The following SPON1 variants were observed in gnomAD, a reference collection of about 807,000 sequenced individuals.
SPON1 encodes the protein spondin 1.
In SPON1, 52 loss-of-function variants were observed where a neutral mutation model predicts 111.7. The observed-to-expected ratio is 0.47, with a 90% CI of 0.37 to 0.59. SPON1 has a LOEUF of 0.59. Ranked by LOEUF, SPON1 falls within the 20% of genes least tolerant of loss-of-function variation. The pLI is 0.00. For synonymous variants in SPON1, 410 were observed against 395.8 expected, an observed-to-expected ratio of 1.04 and a Z score of -0.43; for missense variants, 957 against 1,068.5, an observed-to-expected ratio of 0.90 and a Z score of 1.46.
chr11:14,086,926 A>T (rs1849011352), intron 5 of SPON1, among the ~76,000 whole-genome samples: 1 of 152,094 alleles, frequency 6.6e-6, no homozygotes, highest in East Asian at 1.9e-4. Context: ...TTTCTAGTTT[A>T]TTTGTGTAGA....
At chr11:14,187,273 C>G (rs1397239637) in intron 6 of SPON1, among the ~76,000 whole-genome samples, 3 of 152,142 alleles carry the variant, frequency 2.0e-5, no homozygotes, top group Non-Finnish European at 4.4e-5. Flanking sequence ...TCCCACCAGA[C>G]CCAACTCCAA....
intron 3 of SPON1, among the ~76,000 whole-genome samples, chr11:14,065,400 TC>T (rs1176481849): frequency 1.3e-5 from 2 of 152,148 alleles, no homozygotes; most frequent in African/African-American, 4.8e-5. Flanking sequence ...CATTTCCTCT[TC>T]CTTAGAGGCT....
chr11:14,261,911 G>A (rs993891088), intron 14 of SPON1, among the ~76,000 whole-genome samples: 2 of 152,116 alleles, frequency 1.3e-5, no homozygotes, highest in African/African-American at 4.8e-5. Context: ...CCACAGGCGG[G>A]ATAAAAGAAC....
intron 6 of SPON1, among the ~76,000 whole-genome samples, chr11:14,145,521 A>G (rs549526290): frequency 1.3e-5 from 2 of 152,354 alleles, no homozygotes; most frequent in South Asian, 2.1e-4. Flanking sequence ...AGCAATATCT[A>G]TCAAAATTAT....
At chr11:14,027,774 A>G (rs539782855) in intron 2 of SPON1, among the ~76,000 whole-genome samples, 5 of 152,366 alleles carry the variant, frequency 3.3e-5, no homozygotes, top group African/African-American at 1.2e-4. Flanking sequence ...CAGTAAGAAG[A>G]TGCCTCATCT....
At chr11:14,197,376 C>T (rs1450912803) in intron 6 of SPON1, among the ~76,000 whole-genome samples, 3 of 151,982 alleles carry the variant, frequency 2.0e-5, no homozygotes, top group East Asian at 3.9e-4. Flanking sequence ...TGCCCGAAAG[C>T]ACAGGACTAA....
At chr11:14,107,487 G>A (rs908942973) in intron 5 of SPON1, among the ~76,000 whole-genome samples, 1 of 150,508 alleles carries the variant, frequency 6.6e-6, no homozygotes, top group Non-Finnish European at 1.5e-5. Flanking sequence ...TGAATTTTTT[G>A]GTAAACATTT....
Position 14,135,411 on chromosome 11 carries a change from C to G in SPON1, c.677-9C>G, listed in dbSNP as rs782115590. 4 of 1,602,714 alleles carry G rather than the reference C, an allele frequency of 2.5e-6. No individual in the cohort carries two copies. In the South Asian group the frequency reaches 4.4e-5, roughly 18 times the overall value. On this transcript the variant is annotated splice_polypyrimidine_tract_variant and intron_variant, in intron 5 of 15. Transcript: ENST00000576479. This position sits in a 1 kb window ranked among gnomAD's most constrained non-coding sequence, Gnocchi z 4.4. The stretch of plus-strand genomic sequence containing the variant: ...ATGCTGATAACTGCCTCCTGATTGG[C>G]TTTCCCAGGTCGGGCCAACCACTGG...
intron 2 of SPON1, among the ~76,000 whole-genome samples, chr11:14,004,172 C>T (rs781980058): frequency 6.6e-6 from 1 of 151,470 alleles, no homozygotes; most frequent in Admixed American, 6.6e-5. Flanking sequence ...CACACACATA[C>T]ACACACACAC....
chr11:14,129,615 G>C (rs575307991), intron 5 of SPON1, among the ~76,000 whole-genome samples: 2 of 152,228 alleles, frequency 1.3e-5, no homozygotes, highest in Admixed American at 6.5e-5. Context: ...CCTCCAAACT[G>C]CTCCAACCTC....
chr11:14,161,587 G>A (rs976165992), intron 6 of SPON1, among the ~76,000 whole-genome samples: 5 of 151,492 alleles, frequency 3.3e-5, no homozygotes, highest in African/African-American at 4.9e-5. Flanking sequence ...CCAGTGTGCC[G>A]GGATTACAGG....
chr11:14,044,902 C>T (rs1554917692), intron 3 of SPON1, among the ~76,000 whole-genome samples: 1 of 152,150 alleles, frequency 6.6e-6, no homozygotes, highest in African/African-American at 2.4e-5. Flanking sequence ...TTAACTGCTG[C>T]ATGTCTATGG....
chr11:14,032,844 C>G (rs1486999443), intron 2 of SPON1, among the ~76,000 whole-genome samples: 1 of 152,164 alleles, frequency 6.6e-6, no homozygotes, highest in Non-Finnish European at 1.5e-5. Context: ...TTCAGTGCCC[C>G]CTATACTCCC....
At chr11:14,229,376 A>G (rs1220076566) in intron 6 of SPON1, among the ~76,000 whole-genome samples, 1 of 152,184 alleles carries the variant, frequency 6.6e-6, no homozygotes, top group African/African-American at 2.4e-5. Context: ...CATTCCAGAC[A>G]GAAGGATCCA....
chr11:14,246,725 C>T (rs1426459800), intron 7 of SPON1, among the ~76,000 whole-genome samples: 2 of 152,094 alleles, frequency 1.3e-5, no homozygotes, highest in African/African-American at 4.8e-5. Context: ...CTGTGGTGAG[C>T]ACAGCACAGT....
intron 6 of SPON1, among the ~76,000 whole-genome samples, chr11:14,172,638 T>G (rs1215017160): frequency 5.3e-5 from 8 of 151,992 alleles, no homozygotes; most frequent in Non-Finnish European, 8.8e-5. Context: ...TACCAGTTGT[T>G]CCTTTCCATG....
At chr11:14,235,111 T>C (rs1341293706) in intron 6 of SPON1, among the ~76,000 whole-genome samples, 4 of 152,150 alleles carry the variant, frequency 2.6e-5, no homozygotes, top group Non-Finnish European at 5.9e-5. Flanking sequence ...ATGCTGGGAC[T>C]CTCACTGCTC....
Position 14,262,966 on chromosome 11 carries a change from C to T in SPON1, c.2251C>T (p.Gln751Ter), listed in dbSNP as rs1849206455. The T allele has an allele frequency of 6.2e-7, 1 of 1,612,322 alleles. No individual in the cohort carries two copies. Among genetic ancestry groups the T allele is most frequent in the South Asian group, 1.1e-5 (1 of 90,996 alleles). ...EQLKEESEGE[Q>*]FPGCRMRPWT... ...GCTGAAGGAAGAGTCTGAAGGGGAG[C>T]AGTTCCCAGGTATGGCTCCCAAGTG... is the stretch of plus-strand genomic sequence containing the variant. The change falls in exon 15 of 16, where the codon CAG becomes TAG. Residue 751 changes from glutamine to a stop codon, truncating the protein, a stop_gained. Coordinates refer to ENST00000576479, the MANE Select transcript of SPON1 (RefSeq NM_006108.4). LOFTEE classifies it high-confidence loss of function.
intron 6 of SPON1, among the ~76,000 whole-genome samples, chr11:14,189,668 A>G (rs1363430017): frequency 2.0e-5 from 3 of 152,174 alleles, no homozygotes; most frequent in Non-Finnish European, 2.9e-5. Flanking sequence ...TAAGTTAGAG[A>G]AAGTATTTTC....
Sources: allele counts gnomAD v4.1 joint callset (sites outside exome capture counted in the v4.1 genomes callset), GRCh38; gene constraint gnomAD v4.1.1; non-coding constraint Gnocchi (gnomAD v3.1); transcripts MANE v1.5; gene names NCBI Gene and HGNC (gene_info 2026-07-23, HGNC 2026-07-21).